Variants in ARSB observed in about 807,000 individuals in gnomAD.
ARSB encodes arylsulfatase B.
ARSB carries 41 observed loss-of-function variants against 50.9 expected under a neutral mutation model. That is an observed-to-expected ratio of 0.81 (90% CI 0.63 to 1.04). The LOEUF is 1.04. Among genes scored for constraint, ARSB ranks in the 50% least tolerant of loss-of-function variants. ARSB has a pLI of 0.00. For missense variants in ARSB, 672 were observed against 693.3 expected (o/e 0.97, Z 0.35); for synonymous variants, 269 against 284.8 (o/e 0.94, Z 0.56).
chr5:78,780,262 A>T lies in ARSB; in HGVS notation c.*135T>A. On this transcript the variant is annotated 3_prime_UTR_variant, in exon 8 of 8. Coordinates refer to ENST00000264914, the MANE Select transcript of ARSB (RefSeq NM_000046.5). ...CTTAAATGCATTAGGGGTTGAAATT[A>T]GACACCTCGGTGTGGTTTAAGAGCA... 8.4e-7 allele frequency: 1 copy of T among 1,189,518 alleles called. No homozygotes were observed. Among genetic ancestry groups the T allele is most frequent in the Non-Finnish European group, 1.2e-6 (1 of 814,348 alleles). The allele number at this position is 1,189,518 out of a possible 1,614,324, so 73.7% of individuals were successfully genotyped here. A position where few individuals can be genotyped will look rare whatever the true frequency, so the allele number is the denominator to read the frequency against.
intron 4 of ARSB, among the ~76,000 whole-genome samples, chr5:78,921,511 G>A (rs3951714): frequency 0.012 from 1,763 of 152,070 alleles, 19 homozygotes; most frequent in African/African-American, 0.024. Flanking sequence ...TTGGATATAC[G>A]GAATATCTAA....
intron 2 of ARSB, 73 bp downstream of exon 2, chr5:78,968,933 T>C: frequency 6.6e-7 from 1 of 1,515,468 alleles, no homozygotes; most frequent in Non-Finnish European, 9.2e-7. Flanking sequence ...TTCATTTGAT[T>C]GCACTTGGGT....
intron 5 of ARSB, among the ~76,000 whole-genome samples, chr5:78,855,397 TGAG>T (rs1047114994): frequency 1.3e-5 from 2 of 152,178 alleles, no homozygotes; most frequent in African/African-American, 4.8e-5. Flanking sequence ...AGCTCTGGCC[TGAG>T]GAGGAAAGGG....
intron 6 of ARSB, among the ~76,000 whole-genome samples, chr5:78,825,767 G>C (rs1456663212): frequency 6.6e-6 from 1 of 152,002 alleles, no homozygotes; most frequent in Non-Finnish European, 1.5e-5. Context: ...TTTCGAAGGA[G>C]TTTTTACAAA....
chr5:78,848,843 T>C (rs1401686383), intron 5 of ARSB, among the ~76,000 whole-genome samples: 2 of 152,346 alleles, frequency 1.3e-5, no homozygotes, highest in African/African-American at 4.8e-5. Context: ...TTTTTTCACG[T>C]GTCTTTTGGC....
At chr5:78,867,647 C>T (rs942439600) in intron 5 of ARSB, among the ~76,000 whole-genome samples, 1 of 152,052 alleles carries the variant, frequency 6.6e-6, no homozygotes, top group Non-Finnish European at 1.5e-5. Flanking sequence ...GAAAGGACAC[C>T]GAAAACCCAT....
intron 4 of ARSB, among the ~76,000 whole-genome samples, chr5:78,928,418 C>T (rs561001019): frequency 2.2e-5 from 3 of 137,504 alleles, no homozygotes; most frequent in Non-Finnish European, 4.6e-5. Context: ...CAGGTTCAAG[C>T]GATTCTCCTG....
At chr5:78,834,166 G>T (rs1166266900) in intron 6 of ARSB, among the ~76,000 whole-genome samples, 1 of 152,134 alleles carries the variant, frequency 6.6e-6, no homozygotes, top group Admixed American at 6.5e-5. Context: ...GGCAGTAAAT[G>T]AAAAAGATAG....
At chr5:78,839,172 T>C (rs1745077939) in intron 6 of ARSB, among the ~76,000 whole-genome samples, 184 bp downstream of exon 6, 1 of 152,216 alleles carries the variant, frequency 6.6e-6, no homozygotes, top group African/African-American at 2.4e-5. Context: ...TCTTATTTCA[T>C]AAGCTGGTGT....
intron 3 of ARSB, among the ~76,000 whole-genome samples, chr5:78,960,385 T>C (rs557980395): frequency 6.6e-6 from 1 of 152,260 alleles, no homozygotes; most frequent in Admixed American, 6.5e-5. Flanking sequence ...AAAAAGCATA[T>C]GATAGGTTTT....
intron 5 of ARSB, among the ~76,000 whole-genome samples, chr5:78,872,056 C>A (rs1267293381): frequency 6.6e-6 from 1 of 150,656 alleles, no homozygotes; most frequent in East Asian, 1.9e-4. Flanking sequence ...CCAAAAAACA[C>A]ATGAAAAAAT....
intron 6 of ARSB, among the ~76,000 whole-genome samples, chr5:78,790,357 T>C (rs1749203088): frequency 6.6e-6 from 1 of 152,156 alleles, no homozygotes; most frequent in East Asian, 1.9e-4. Flanking sequence ...GAGGTCTAAA[T>C]GCAACGATAC....
chr5:78,936,429 C>T (rs1457960046), intron 4 of ARSB, among the ~76,000 whole-genome samples: 1 of 147,340 alleles, frequency 6.8e-6, no homozygotes, highest in Non-Finnish European at 1.5e-5. Context: ...TGGCCAGGGT[C>T]TTTATTTCTT....
intron 4 of ARSB, among the ~76,000 whole-genome samples, chr5:78,895,047 A>C (rs73126652): frequency 0.056 from 8,482 of 152,114 alleles, 743 homozygotes; most frequent in African/African-American, 0.19. Context: ...AACCAACCAA[A>C]CAAACAAACA....
chr5:78,937,388 C>CAT (rs1393534921), intron 4 of ARSB, among the ~76,000 whole-genome samples: 1 of 135,512 alleles, frequency 7.4e-6, no homozygotes, highest in Non-Finnish European at 1.6e-5. Flanking sequence ...ATATATATAT[C>CAT]ATATATATGT....
intron 5 of ARSB, among the ~76,000 whole-genome samples, chr5:78,851,503 G>C (rs9687115): frequency 0.049 from 7,436 of 152,120 alleles, 581 homozygotes; most frequent in African/African-American, 0.17. Flanking sequence ...TTTGGAATAG[G>C]TGTGGTGTGG....
chr5:78,925,071 C>CT (rs1749986597), intron 4 of ARSB, among the ~76,000 whole-genome samples: 1 of 152,174 alleles, frequency 6.6e-6, no homozygotes, highest in Non-Finnish European at 1.5e-5. Flanking sequence ...ATGTCTGCTC[C>CT]TGTCTGAATC....
chr5:78,867,801 A>C (rs1746871295), intron 5 of ARSB, among the ~76,000 whole-genome samples: 1 of 151,280 alleles, frequency 6.6e-6, no homozygotes, highest in Non-Finnish European at 1.5e-5. Flanking sequence ...AATGGAACAA[A>C]GCTGGATGGA....
At position 78,943,197 on chromosome 5, in the gene ARSB, T is replaced by C. The variant is rs192970732; in HGVS notation, c.898+12098A>G. Among the ~76,000 whole-genome samples the C allele has an allele frequency of 1.8e-3, 279 of 152,356 alleles. 3 individuals carry two copies. The highest frequency in any genetic ancestry group is 0.017 in the Middle Eastern group (5 of 294). ...GTCTTTGCACGTGAGATGCATCTCCTGAATACAGCATACTGATGGGTCTTG... is the reference window on the plus strand; with the variant it reads ...GTCTTTGCACGTGAGATGCATCTCCCGAATACAGCATACTGATGGGTCTTG... On this transcript the variant is annotated intron_variant, in intron 4 of 7. Coordinates refer to ENST00000264914, the MANE Select transcript of ARSB (RefSeq NM_000046.5).
Sources: allele counts gnomAD v4.1 joint callset (sites outside exome capture counted in the v4.1 genomes callset), GRCh38; gene constraint gnomAD v4.1.1; transcripts MANE v1.5; gene names NCBI Gene and HGNC (gene_info 2026-07-23, HGNC 2026-07-21).